NELFE: variants seen among roughly 807,000 people sequenced by gnomAD.
NELFE encodes negative elongation factor E.
In NELFE, 26 loss-of-function variants were observed where a neutral mutation model predicts 55.5. The ratio of observed to expected loss-of-function variants is 0.47; its 90% CI spans 0.34 to 0.65. The LOEUF is 0.65. NELFE is among the 30% of genes least tolerant of loss of function. The pLI is 0.01. For missense variants in NELFE, 403 were observed against 506.9 expected, an observed-to-expected ratio of 0.80 and a Z score of 1.97; for synonymous variants, 162 against 178.0, an observed-to-expected ratio of 0.91 and a Z score of 0.72.
rs1410358269 is a variant in NELFE, at chr6:31,954,146, G to A, written c.888-12C>T. On this transcript the variant is annotated splice_polypyrimidine_tract_variant and intron_variant, in intron 8 of 10. Coordinates refer to ENST00000375429, the MANE Select transcript of NELFE (RefSeq NM_002904.6). This position sits in a 1 kb window ranked among gnomAD's most constrained non-coding sequence, Gnocchi z 5.5. ...TGACGAAGGCACAGCTGGGATAAGA[G>A]AAAACACGGTCAGTGGAGAGCCAAG... is the stretch of plus-strand genomic sequence containing the variant. The A allele has an allele frequency of 6.2e-7, 1 of 1,614,100 alleles. No individual in the cohort carries two copies. Among genetic ancestry groups the A allele is most frequent in the Non-Finnish European group, 8.5e-7 (1 of 1,180,004 alleles).
Position 31,955,099 on chromosome 6 carries a change from G to A in NELFE, c.367-3C>T, listed in dbSNP as rs371528558. ...TTCCTCTGGGGACGTCTGGATGACT[G>A]TAAAAGAGACCAAGAACAGTTAAGA... On this transcript the variant is annotated splice_polypyrimidine_tract_variant and splice_region_variant and intron_variant, in intron 5 of 10. Coordinates refer to ENST00000375429, the MANE Select transcript of NELFE (RefSeq NM_002904.6). 66 of 1,612,962 alleles carry A rather than the reference G, an allele frequency of 4.1e-5. No homozygotes were observed. The highest frequency in any genetic ancestry group is 1.6e-4 in the Middle Eastern group (1 of 6,084).
In NELFE at chr6:31,955,234, A is replaced by G; in HGVS notation, c.351T>C (p.Asp117=). The G allele has an allele frequency of 6.2e-7, 1 of 1,607,824 alleles. No homozygotes were observed. The highest frequency in any genetic ancestry group is 8.5e-7 in the Non-Finnish European group (1 of 1,177,416). The change falls in exon 5 of 11, where the codon GAT becomes GAC. Residue 117 remains aspartate, a synonymous_variant. Coordinates refer to ENST00000375429, the MANE Select transcript of NELFE (RefSeq NM_002904.6). ...GAGCCTTTACCTCTTGCAGGTCATC[A>G]TCAGCAGATATGCTCCTCTGGAACG... ...FQPFQRSISA[D]DDLQESSRRP...
At chr6:31,953,951 T>C (rs1771910980) in intron 9 of NELFE, 120 bp from the exon 10 acceptor site, 1 of 1,348,892 alleles carries the variant, frequency 7.4e-7, no homozygotes. Context: ...GAATGTGAGT[T>C]TTTCTGTGTG....
rs914707921 is a variant in NELFE, at chr6:31,952,163, C to T, written c.*138G>A. The stretch of plus-strand genomic sequence containing the variant: ...GTTGTTACACTGAGATCAAACCTGA[C>T]AGCCGTTTTTAAAGGTTTAACCCCA... On this transcript the variant is annotated 3_prime_UTR_variant, in exon 11 of 11. Coordinates refer to ENST00000375429, the MANE Select transcript of NELFE (RefSeq NM_002904.6). 4.1e-6 allele frequency: 6 copies of T among 1,460,172 alleles called. No homozygotes were observed. The highest frequency in any genetic ancestry group is 2.8e-5 in the African/African-American group (2 of 71,462). 90.5% of individuals were successfully genotyped at this position (1,460,172 alleles called of 1,614,324 possible). A position where few individuals can be genotyped will look rare whatever the true frequency, so the allele number is the denominator to read the frequency against.
At position 31,954,483 on chromosome 6, in the gene NELFE, C is replaced by G. The variant is rs566961208; in HGVS notation, c.743-41G>C. The stretch of plus-strand genomic sequence containing the variant: ...TCATAGTCACAAGACATAGACCATG[C>G]CACATTTCACTTAGTAGGACCCACA... On this transcript the variant is annotated intron_variant, in intron 7 of 10. Transcript: ENST00000375429. This position sits in a 1 kb window ranked among gnomAD's most constrained non-coding sequence, Gnocchi z 5.5. The G allele has an allele frequency of 1.4e-5, 22 of 1,579,806 alleles. No homozygotes were observed. The highest frequency in any genetic ancestry group is 1.9e-5 in the Non-Finnish European group (22 of 1,160,508).
intron 9 of NELFE, 108 bp from the exon 10 acceptor site, chr6:31,953,939 G>A (rs1771910267): frequency 7.5e-7 from 1 of 1,338,664 alleles, no homozygotes. Flanking sequence ...TAAGGAATCT[G>A]AGAATGTGAG....
At chr6:31,955,423 T>C in intron 4 of NELFE, 130 bp from the exon 5 acceptor site, 1 of 604,380 alleles carries the variant, frequency 1.7e-6, no homozygotes, top group Non-Finnish European at 2.8e-6. Flanking sequence ...TCTACATACA[T>C]TTCTTATTTG....
At chr6:31,953,968 G>A in intron 9 of NELFE, 112 bp downstream of exon 9, 1 of 1,366,040 alleles carries the variant, frequency 7.3e-7, no homozygotes. Context: ...TGTGAATAGG[G>A]AGAGGCTTTC....
At chr6:31,958,623 G>A (rs778936763) in intron 1 of NELFE, 169 bp from the exon 2 acceptor site, 35 of 708,952 alleles carry the variant, frequency 4.9e-5, no homozygotes, top group Non-Finnish European at 8.5e-5. Flanking sequence ...CGCTGGTCGG[G>A]ATCATCCAGC....
chr6:31,956,860 G>A, intron 3 of NELFE, 22 bp from the exon 4 acceptor site: 1 of 1,613,034 alleles, frequency 6.2e-7, no homozygotes, highest in Non-Finnish European at 8.5e-7. Flanking sequence ...AGGGGAAGAG[G>A]CATTATGTTG....
In NELFE at chr6:31,955,059, C is replaced by G; in HGVS notation, c.404G>C (p.Ser135Thr). 1 of 1,613,180 alleles carries G rather than the reference C, an allele frequency of 6.2e-7. No homozygotes were observed. Among genetic ancestry groups the G allele is most frequent in the Non-Finnish European group, 8.5e-7 (1 of 1,180,020 alleles). Reference protein sequence around the residue: ...RRPQRKSLYESFVSSSDRLRE... With the variant: ...RRPQRKSLYETFVSSSDRLRE... ...CCCAGCCTTATCTCTACTCTCTAAC[C>G]TCTCATACAGAGATTTCCTCTGGGG... The change falls in exon 6 of 11, where the codon AGC (serine) becomes ACC (threonine). Residue 135 changes from serine to threonine, a missense_variant and splice_region_variant. Coordinates refer to ENST00000375429, the MANE Select transcript of NELFE (RefSeq NM_002904.6).
chr6:31,954,068 G>C lies in NELFE; in HGVS notation c.942+12C>G, dbSNP rs764149834. 18 of 1,612,810 alleles carry C rather than the reference G, an allele frequency of 1.1e-5. No homozygotes were observed. The East Asian group carries it at 4.0e-4, about 36-fold the overall frequency. On this transcript the variant is annotated intron_variant, in intron 9 of 10. Coordinates refer to ENST00000375429, the MANE Select transcript of NELFE (RefSeq NM_002904.6). This position sits in a 1 kb window ranked among gnomAD's most constrained non-coding sequence, Gnocchi z 5.5. ...AGAAGCGATGGGAAGAACAGATTTG[G>C]GAAGTTCCAACCTCAGCAACGGCCT...
intron 4 of NELFE, among the ~76,000 whole-genome samples, chr6:31,955,589 G>A (rs1172688922): frequency 1.4e-5 from 2 of 146,996 alleles, no homozygotes; most frequent in Admixed American, 6.7e-5. Context: ...GCTGGGACTA[G>A]AGATGTGCTC....
rs1771921704 is a variant in NELFE at position 31,954,097 on chromosome 6, C to T, written c.925G>A (p.Asp309Asn). The T allele has an allele frequency of 6.2e-7, 1 of 1,613,728 alleles. No individual in the cohort carries two copies. The highest frequency in any genetic ancestry group is 1.3e-5 in the African/African-American group (1 of 74,924). ...GTTCCAACCTCAGCAACGGCCTGAT[C>T]TGCTGACTCCATCTTTTCATAGGTG... is the stretch of plus-strand genomic sequence containing the variant. ...FVTYEKMESA[D>N]QAVAELNGTQ... is the part of the protein sequence containing the mutation. Residue 309 changes from aspartate to asparagine, a missense_variant, in exon 9 of 11, where the codon GAT becomes AAT. Physicochemically the swap from Asp to Asn is conservative, Grantham distance 23. Coordinates refer to ENST00000375429, the MANE Select transcript of NELFE (RefSeq NM_002904.6). This position sits in a 1 kb window ranked among gnomAD's most constrained non-coding sequence, Gnocchi z 5.5.
intron 10 of NELFE, among the ~76,000 whole-genome samples, 180 bp from the exon 11 acceptor site, chr6:31,952,578 A>G (rs567319420): frequency 8.5e-5 from 13 of 152,378 alleles, no homozygotes; most frequent in Non-Finnish European, 1.8e-4. Flanking sequence ...CATGGCCAAG[A>G]AAAGTATAAG....
rs1261933733 is a variant in NELFE at position 31,954,453 on chromosome 6, A to G, written c.743-11T>C. 5 of 1,591,916 alleles carry G rather than the reference A, an allele frequency of 3.1e-6. No homozygotes were observed. The South Asian group carries it at 5.7e-5, about 18-fold the overall frequency. On this transcript the variant is annotated splice_polypyrimidine_tract_variant and intron_variant, in intron 7 of 10. Coordinates refer to ENST00000375429, the MANE Select transcript of NELFE (RefSeq NM_002904.6). The surrounding 1 kb of genome is among the most constrained non-coding windows in gnomAD (Gnocchi z 5.5). Reference sequence around the variant, plus strand: ...GGAATGAATCCGACCCTTTGGGAGCACAAATCATAGTCACAAGACATAGAC... The same window carrying G: ...GGAATGAATCCGACCCTTTGGGAGCGCAAATCATAGTCACAAGACATAGAC...
In NELFE at chr6:31,954,936, T is replaced by C; in HGVS notation, c.405-44A>G. The C allele has an allele frequency of 3.1e-6, 5 of 1,590,178 alleles. No individual in the cohort carries two copies. The highest frequency in any genetic ancestry group is 4.3e-6 in the Non-Finnish European group (5 of 1,167,548). On this transcript the variant is annotated intron_variant, in intron 6 of 10. Coordinates refer to ENST00000375429, the MANE Select transcript of NELFE (RefSeq NM_002904.6). This position sits in a 1 kb window ranked among gnomAD's most constrained non-coding sequence, Gnocchi z 5.5. ...AAGATCAAAGGGGGGTTTTACCTTC[T>C]CCCCTCAGACCCTGTGGAGACTCAA...
intron 4 of NELFE, among the ~76,000 whole-genome samples, chr6:31,955,593 T>C (rs1249351468): frequency 6.6e-6 from 1 of 150,554 alleles, no homozygotes; most frequent in Non-Finnish European, 1.5e-5. Context: ...GGACTAGAGA[T>C]GTGCTCTACC....
intron 2 of NELFE, 197 bp downstream of exon 2, chr6:31,958,175 C>A: frequency 1.6e-6 from 1 of 612,072 alleles, no homozygotes; most frequent in Non-Finnish European, 2.9e-6. Context: ...GGAAGACAAT[C>A]CATGGCAAAT....
Sources: gnomAD v4.1 joint callset for allele counts (sites outside exome capture counted in the v4.1 genomes callset) on GRCh38, gnomAD v4.1.1 for gene constraint, Gnocchi (gnomAD v3.1) non-coding constraint, MANE v1.5 for transcripts, NCBI Gene and HGNC (gene_info 2026-07-23, HGNC 2026-07-21) for gene names.